TAFA2: variants seen among roughly 807,000 people sequenced by gnomAD.
The protein encoded by TAFA2 is TAFA chemokine like family member 2.
Under a neutral mutation model 18.8 loss-of-function variants are expected in TAFA2, and 7 were observed. The ratio of observed to expected loss-of-function variants is 0.37; its 90% CI spans 0.21 to 0.70. The LOEUF (loss-of-function observed/expected upper bound fraction) is 0.70. Ranked by LOEUF, TAFA2 falls within the 30% of genes least tolerant of loss-of-function variation. The probability of loss-of-function intolerance (pLI) is 0.53; values close to 1 mark genes in which losing one functional copy is unlikely to be tolerated. For missense variants in TAFA2, 122 were observed against 158.1 expected (o/e 0.77, Z 1.23); for synonymous variants, 60 against 54.2 (o/e 1.11, Z -0.47).
intron 2 of TAFA2, among the ~76,000 whole-genome samples, chr12:61,789,022 C>T (rs1373728744): frequency 6.6e-6 from 1 of 151,776 alleles, no homozygotes; most frequent in Non-Finnish European, 1.5e-5. Context: ...TGTTTAAGTT[C>T]CTTGTAGATT....
rs555733894 is a variant in TAFA2 at position 61,967,768 on chromosome 12, G to A, written c.-1-100342C>T. ...TCAGAATAAAACAGACTGATAAGTC[G>A]AAATTTGTGAAATTCCTGTTTTTGC... On this transcript the variant is annotated intron_variant, in intron 1 of 4. Coordinates refer to ENST00000416284, the MANE Select transcript of TAFA2 (RefSeq NM_178539.5). 2.3e-4 allele frequency among the ~76,000 whole-genome samples: 35 copies of A among 151,868 alleles called. 1 individual carries two copies. The highest frequency in any genetic ancestry group is 7.8e-4 in the East Asian group (4 of 5,142).
At chr12:62,168,366 C>T (rs2062454005) in intron 1 of TAFA2, among the ~76,000 whole-genome samples, 1 of 152,198 alleles carries the variant, frequency 6.6e-6, no homozygotes, top group African/African-American at 2.4e-5. Flanking sequence ...GATCAAGCTT[C>T]TTGTTTGAAC....
chr12:62,048,178 A>G (rs1176902331), intron 1 of TAFA2, among the ~76,000 whole-genome samples: 1 of 152,230 alleles, frequency 6.6e-6, no homozygotes, highest in Non-Finnish European at 1.5e-5. Context: ...TGAGTGATTT[A>G]TAAAGGAAAG....
chr12:61,887,570 G>A (rs900067090), intron 1 of TAFA2, among the ~76,000 whole-genome samples: 1 of 143,884 alleles, frequency 7.0e-6, no homozygotes, highest in African/African-American at 2.6e-5. Flanking sequence ...ATCTCCCATT[G>A]CTATCCCTCC....
chr12:61,977,852 C>T (rs1480858196), intron 1 of TAFA2, among the ~76,000 whole-genome samples: 1 of 151,968 alleles, frequency 6.6e-6, no homozygotes, highest in Non-Finnish European at 1.5e-5. Context: ...CAGTGGTGCC[C>T]TCATCTTCTA....
rs559561413 is a variant in TAFA2 at position 61,843,531 on chromosome 12, G to A, written c.106+23789C>T. 2.5e-4 allele frequency among the ~76,000 whole-genome samples: 38 copies of A among 152,152 alleles called. 2 individuals are homozygous for A. The South Asian group carries it at 7.7e-3, about 31-fold the overall frequency. On this transcript the variant is annotated intron_variant, in intron 2 of 4. Transcript: ENST00000416284. ...GTCATAATGGGAAAAGTCTGTTTTTGATGATTAATTGAAAGAGTTGGGGAT... is the reference window on the plus strand; with the variant it reads ...GTCATAATGGGAAAAGTCTGTTTTTAATGATTAATTGAAAGAGTTGGGGAT...
chr12:62,197,899 G>A (rs935075445), intron 1 of TAFA2, among the ~76,000 whole-genome samples: 1 of 152,110 alleles, frequency 6.6e-6, no homozygotes, highest in Non-Finnish European at 1.5e-5. Flanking sequence ...TAAAAATAAA[G>A]CTGCTATGAA....
chr12:62,038,204 A>G (rs1200861780), intron 1 of TAFA2, among the ~76,000 whole-genome samples: 1 of 152,200 alleles, frequency 6.6e-6, no homozygotes, highest in African/African-American at 2.4e-5. Context: ...AGTTAATAAT[A>G]TTGTATTCAA....
chr12:62,094,372 C>T (rs922100779), intron 1 of TAFA2, among the ~76,000 whole-genome samples: 1 of 151,986 alleles, frequency 6.6e-6, no homozygotes, highest in Non-Finnish European at 1.5e-5. Flanking sequence ...AAAGACTACA[C>T]ATTGGGTAGA....
At chr12:62,091,023 A>G (rs546293363) in intron 1 of TAFA2, among the ~76,000 whole-genome samples, 30 of 152,188 alleles carry the variant, frequency 2.0e-4, no homozygotes, top group African/African-American at 7.0e-4. Context: ...ATATCCAGAC[A>G]CATTATATAT....
intron 1 of TAFA2, among the ~76,000 whole-genome samples, chr12:61,878,515 C>A (rs1223239341): frequency 1.3e-5 from 2 of 152,166 alleles, no homozygotes; most frequent in Non-Finnish European, 2.9e-5. Context: ...ACTATAAGAG[C>A]ACAAACCTAT....
At chr12:61,736,387 C>G (rs989002051) in intron 4 of TAFA2, among the ~76,000 whole-genome samples, 16 of 151,970 alleles carry the variant, frequency 1.1e-4, no homozygotes, top group Admixed American at 2.6e-4. Flanking sequence ...ATCACCTGAT[C>G]TATTACTAAA....
intron 1 of TAFA2, among the ~76,000 whole-genome samples, chr12:61,966,184 TA>T (rs983014412): frequency 6.6e-6 from 1 of 151,980 alleles, no homozygotes; most frequent in Admixed American, 6.6e-5. Context: ...TGTGCTGCTA[TA>T]AAAAAATGTA....
intron 1 of TAFA2, among the ~76,000 whole-genome samples, chr12:61,944,276 A>G (rs1878168542): frequency 6.6e-6 from 1 of 151,438 alleles, no homozygotes; most frequent in Admixed American, 6.6e-5. Flanking sequence ...GACACAACAT[A>G]CCAGACTCTC....
chr12:62,220,290 GAAAT>G (rs1477555908), intron 1 of TAFA2, among the ~76,000 whole-genome samples: 2 of 151,856 alleles, frequency 1.3e-5, no homozygotes, highest in African/African-American at 4.8e-5. Flanking sequence ...AATAAAATGA[GAAAT>G]AAAATATAAA....
At chr12:61,777,670 C>T (rs889843842) in intron 2 of TAFA2, among the ~76,000 whole-genome samples, 3 of 151,240 alleles carry the variant, frequency 2.0e-5, no homozygotes, top group Middle Eastern at 3.4e-3. Context: ...TGCTGGGTAA[C>T]CTTTGCCAAG....
intron 2 of TAFA2, among the ~76,000 whole-genome samples, chr12:61,852,383 C>T (rs1873711158): frequency 6.6e-6 from 1 of 152,062 alleles, no homozygotes; most frequent in African/African-American, 2.4e-5. Context: ...CAACAGGGAA[C>T]AGAGCGAGTG....
intron 1 of TAFA2, among the ~76,000 whole-genome samples, chr12:62,135,177 G>A (rs1055527401): frequency 2.0e-5 from 3 of 151,984 alleles, no homozygotes; most frequent in Non-Finnish European, 2.9e-5. Context: ...CATAGTAGGT[G>A]CTCAATAAAA....
chr12:62,138,851 C>T (rs1449612207), intron 1 of TAFA2, among the ~76,000 whole-genome samples: 16 of 152,136 alleles, frequency 1.1e-4, no homozygotes, highest in Admixed American at 1.0e-3. Context: ...TTAAAATAGC[C>T]TTTGCAGAAG....
Sources: gnomAD v4.1 joint callset for allele counts (sites outside exome capture counted in the v4.1 genomes callset) on GRCh38, gnomAD v4.1.1 for gene constraint, MANE v1.5 for transcripts, NCBI Gene and HGNC (gene_info 2026-07-23, HGNC 2026-07-21) for gene names.